The following PRDM15 variants were observed in gnomAD, a reference collection of about 807,000 sequenced individuals.
PRDM15 encodes PR domain zinc finger protein 15.
In PRDM15, 64 loss-of-function variants were observed where a neutral mutation model predicts 128.6. The observed-to-expected ratio is 0.50, with a 90% CI of 0.41 to 0.61. PRDM15 has a LOEUF of 0.61. PRDM15 is among the 20% of genes least tolerant of loss of function. The pLI, the probability that PRDM15 is intolerant of heterozygous loss-of-function variation, is 0.00. For synonymous variants in PRDM15, 615 were observed against 621.8 expected, an observed-to-expected ratio of 0.99 and a Z score of 0.16; for missense variants, 1,242 against 1,569.1, an observed-to-expected ratio of 0.79 and a Z score of 3.52.
Position 41,834,393 on chromosome 21 carries a change from G to A in PRDM15, c.1366+1044C>T, listed in dbSNP as rs1199023764. On this transcript the variant is annotated intron_variant, in intron 11 of 23. Transcript: ENST00000398548. Reference sequence around the variant, plus strand: ...AGCCCCTGGGAGTCCGCTGCTGCAGGTGCCCTGTTCTCAACACAGGGGCGG... The same window carrying A: ...AGCCCCTGGGAGTCCGCTGCTGCAGATGCCCTGTTCTCAACACAGGGGCGG... 19 of 932,588 alleles carry A rather than the reference G, an allele frequency of 2.0e-5. No homozygotes were observed. The East Asian group carries it at 2.6e-4, about 13-fold the overall frequency. The allele number at this position is 932,588 out of a possible 1,614,324, so 57.8% of individuals were successfully genotyped here.
intron 6 of PRDM15, among the ~76,000 whole-genome samples, chr21:41,843,074 C>T (rs945966472): frequency 2.0e-5 from 3 of 152,026 alleles, no homozygotes; most frequent in South Asian, 2.1e-4. Context: ...TGTGAGCCAC[C>T]GTGTCTGGCC....
rs1421725242 is a variant in PRDM15 at position 41,879,174 on chromosome 21, C to T, written c.-10+96G>A. 4.6e-6 allele frequency: 4 copies of T among 867,222 alleles called. No individual in the cohort carries two copies. Among genetic ancestry groups the T allele is most frequent in the African/African-American group, 4.1e-5 (2 of 48,922 alleles). The allele number at this position is 867,222 out of a possible 1,614,324, so 53.7% of individuals were successfully genotyped here. A position where few individuals can be genotyped will look rare whatever the true frequency, so the allele number is the denominator to read the frequency against. ...CGCGGGGGGCGGGGGGCAGCGGGCC[C>T]AGGGCGCGCCGGGGCTCGCGGGGGC... is the stretch of plus-strand genomic sequence containing the variant. On this transcript the variant is annotated intron_variant, in intron 1 of 23. Transcript: ENST00000398548. This position sits in a 1 kb window ranked among gnomAD's most constrained non-coding sequence, Gnocchi z 5.1.
chr21:41,825,155 C>T (rs1028973158), intron 13 of PRDM15, among the ~76,000 whole-genome samples: 4 of 152,210 alleles, frequency 2.6e-5, no homozygotes, highest in African/African-American at 4.8e-5. Flanking sequence ...CCTAGGCCTC[C>T]GAGGACAGAT....
intron 6 of PRDM15, among the ~76,000 whole-genome samples, chr21:41,844,403 C>A (rs1157936091): frequency 1.4e-5 from 2 of 144,694 alleles, no homozygotes; most frequent in African/African-American, 5.1e-5. Context: ...CAGCCCCTCC[C>A]CCCTCACAGG....
chr21:41,812,658 C>T (rs1281108883), intron 19 of PRDM15: 1 of 152,176 alleles, frequency 6.6e-6, no homozygotes, highest in Non-Finnish European at 1.5e-5. Context: ...CAAGCATCCC[C>T]AACAGACGGC....
At chr21:41,861,463 C>T in intron 1 of PRDM15, 2 of 1,041,644 alleles carry the variant, frequency 1.9e-6, no homozygotes, top group South Asian at 1.6e-5. Flanking sequence ...AAACACCCAC[C>T]TCATGCAGTT....
At chr21:41,873,406 C>T (rs2064285786) in intron 1 of PRDM15, among the ~76,000 whole-genome samples, 1 of 152,226 alleles carries the variant, frequency 6.6e-6, no homozygotes, top group Non-Finnish European at 1.5e-5. Context: ...CGCCCAATGT[C>T]CAAGGAAGGA....
At chr21:41,839,275 C>T (rs1279817800) in intron 7 of PRDM15, among the ~76,000 whole-genome samples, 2 of 152,262 alleles carry the variant, frequency 1.3e-5, no homozygotes, top group East Asian at 1.9e-4. Context: ...AGAGTCCATT[C>T]GTGAGAAATT....
intron 18 of PRDM15, among the ~76,000 whole-genome samples, chr21:41,818,455 C>CCTTTT (rs2062130935): frequency 1.3e-5 from 2 of 151,298 alleles, no homozygotes; most frequent in Admixed American, 6.6e-5. Flanking sequence ...GCATGCGCTG[C>CCTTTT]TTTTTTAATA....
rs543998859 is a variant in PRDM15, at chr21:41,862,230, G to C, written c.-9-1858C>G. ...GGTCAGGAGCTTGGGCGATGGGAAC[G>C]ATAGGCCTTAAGAGGCGCCCCACAC... is the stretch of plus-strand genomic sequence containing the variant. On this transcript the variant is annotated intron_variant, in intron 1 of 23. Coordinates refer to ENST00000398548, the MANE Select transcript of PRDM15 (RefSeq NM_001040424.3). This position sits in a 1 kb window ranked among gnomAD's most constrained non-coding sequence, Gnocchi z 4.1. Among the ~76,000 whole-genome samples, 2 of 152,326 alleles carry C rather than the reference G, an allele frequency of 1.3e-5. No homozygotes were observed. Among genetic ancestry groups the C allele is most frequent in the Admixed American group, 1.3e-4 (2 of 15,300 alleles).
At position 41,879,127 on chromosome 21, in the gene PRDM15, G is replaced by A. The variant is rs910752638; in HGVS notation, c.-10+143C>T. The A allele has an allele frequency of 9.7e-7, 1 of 1,030,484 alleles. No homozygotes were observed. 63.8% of individuals were successfully genotyped at this position (1,030,484 alleles called of 1,614,324 possible). On this transcript the variant is annotated intron_variant, in intron 1 of 23. Transcript: ENST00000398548. This position sits in a 1 kb window ranked among gnomAD's most constrained non-coding sequence, Gnocchi z 5.1. ...GAACAGTCGGCATGGCGGCTGGACC[G>A]GGGCGGCGCGCGGCTGCCGGGCGCG... is the stretch of plus-strand genomic sequence containing the variant.
At position 41,859,139 on chromosome 21, in the gene PRDM15, A is replaced by C. The variant is rs904402427; in HGVS notation, c.131+453T>G. 1 of 1,613,126 alleles carries C rather than the reference A, an allele frequency of 6.2e-7. No individual in the cohort carries two copies. Among genetic ancestry groups the C allele is most frequent in the African/African-American group, 1.3e-5 (1 of 74,940 alleles). On this transcript the variant is annotated intron_variant, in intron 3 of 23. Coordinates refer to ENST00000398548, the MANE Select transcript of PRDM15 (RefSeq NM_001040424.3). This position sits in a 1 kb window ranked among gnomAD's most constrained non-coding sequence, Gnocchi z 5.3. The stretch of plus-strand genomic sequence containing the variant: ...CAGGCCTGCAGGGACTGCTTCTGGA[A>C]GCTGCTGTGGGTCAGCCCTGTCCCT...
Position 41,862,469 on chromosome 21 carries a change from C to T in PRDM15, c.-9-2097G>A, listed in dbSNP as rs1386455574. On this transcript the variant is annotated intron_variant, in intron 1 of 23. Coordinates refer to ENST00000398548, the MANE Select transcript of PRDM15 (RefSeq NM_001040424.3). This position sits in a 1 kb window ranked among gnomAD's most constrained non-coding sequence, Gnocchi z 4.1. ...TTCTAGGTGCCCCCAAAAAAGGTCC[C>T]CTCTGAGCGGAGCTGCTGGGAGAGG... Among the ~76,000 whole-genome samples the T allele has an allele frequency of 6.6e-6, 1 of 152,140 alleles. No individual in the cohort carries two copies. Among genetic ancestry groups the T allele is most frequent in the African/African-American group, 2.4e-5 (1 of 41,442 alleles).
chr21:41,870,439 G>T (rs925294246), intron 1 of PRDM15, among the ~76,000 whole-genome samples: 1 of 152,108 alleles, frequency 6.6e-6, no homozygotes, highest in African/African-American at 2.4e-5. Context: ...TGGGCACACG[G>T]CCTCGTGACA....
chr21:41,879,102 G>A lies in PRDM15; in HGVS notation c.-10+168C>T. 1 of 1,105,530 alleles carries A rather than the reference G, an allele frequency of 9.0e-7. No homozygotes were observed. Among genetic ancestry groups the A allele is most frequent in the Non-Finnish European group, 1.1e-6 (1 of 884,700 alleles). 68.5% of individuals were successfully genotyped at this position (1,105,530 alleles called of 1,614,324 possible). On this transcript the variant is annotated intron_variant, in intron 1 of 23. Coordinates refer to ENST00000398548, the MANE Select transcript of PRDM15 (RefSeq NM_001040424.3). This position sits in a 1 kb window ranked among gnomAD's most constrained non-coding sequence, Gnocchi z 5.1. ...GCCCGCAGCCGGCGAATGTAACAAA[G>A]AACAGTCGGCATGGCGGCTGGACCG...
chr21:41,838,155 C>T, intron 7 of PRDM15, 92 bp from the exon 8 acceptor site: 1 of 1,373,908 alleles, frequency 7.3e-7, no homozygotes, highest in Non-Finnish European at 1.0e-6. Flanking sequence ...ATGGGAACCA[C>T]AGCCAGGCCA....
At position 41,859,108 on chromosome 21, in the gene PRDM15, C is replaced by T. The variant is rs773306513; in HGVS notation, c.131+484G>A. ...AGGGCAGCTGCTGCCCACTGAGCCG[C>T]CTCACCAGGCCTGCAGGGACTGCTT... On this transcript the variant is annotated intron_variant, in intron 3 of 23. Coordinates refer to ENST00000398548, the MANE Select transcript of PRDM15 (RefSeq NM_001040424.3). This position sits in a 1 kb window ranked among gnomAD's most constrained non-coding sequence, Gnocchi z 5.3. 4 of 1,603,000 alleles carry T rather than the reference C, an allele frequency of 2.5e-6. No individual in the cohort carries two copies. Among genetic ancestry groups the T allele is most frequent in the Admixed American group, 3.5e-5 (2 of 57,962 alleles).
intron 11 of PRDM15, among the ~76,000 whole-genome samples, chr21:41,833,998 C>T (rs1022123300): frequency 2.6e-5 from 4 of 152,136 alleles, no homozygotes; most frequent in African/African-American, 7.2e-5. Context: ...TCTGTCTGGC[C>T]GGGGCTGCGT....
At chr21:41,803,773 A>T (rs1463807594) in intron 22 of PRDM15, among the ~76,000 whole-genome samples, 5 of 152,108 alleles carry the variant, frequency 3.3e-5, no homozygotes, top group African/African-American at 1.2e-4. Context: ...TGCACTCTAA[A>T]GCGCTGTTTC....
Sources: gnomAD v4.1 joint callset for allele counts (sites outside exome capture counted in the v4.1 genomes callset) on GRCh38, gnomAD v4.1.1 for gene constraint, Gnocchi (gnomAD v3.1) non-coding constraint, MANE v1.5 for transcripts, NCBI Gene and HGNC (gene_info 2026-07-23, HGNC 2026-07-21) for gene names.